TMEM135: variants seen among roughly 807,000 people sequenced by gnomAD.
TMEM135 encodes the protein transmembrane protein 135.
In TMEM135, 30 loss-of-function variants were observed where a neutral mutation model predicts 60.3. That is an observed-to-expected ratio of 0.50 (90% CI 0.37 to 0.68). TMEM135 has a LOEUF of 0.68. Among genes scored for constraint, TMEM135 ranks in the 30% least tolerant of loss-of-function variants. TMEM135 has a pLI of 0.00. For synonymous variants in TMEM135, 190 were observed against 186.7 expected, an observed-to-expected ratio of 1.02 and a Z score of -0.14; for missense variants, 468 against 548.8, an observed-to-expected ratio of 0.85 and a Z score of 1.47.
chr11:87,228,560 G>A (rs1940817239), intron 5 of TMEM135, among the ~76,000 whole-genome samples: 1 of 152,094 alleles, frequency 6.6e-6, no homozygotes, highest in Non-Finnish European at 1.5e-5. Context: ...TGAATACGGG[G>A]GGAGATGAGT....
At position 87,321,243 on chromosome 11, in the gene TMEM135, T is replaced by C. The variant is rs1426974371; in HGVS notation, c.1287T>C (p.Thr429=). ...MNRKVLDVFG[T]GASKHFQDFI... Reference sequence around the variant, plus strand: ...GAAAAGTCCTTGATGTTTTTGGTACTGGTGCATCTAAACACTTTCAGGATT... The same window carrying C: ...GAAAAGTCCTTGATGTTTTTGGTACCGGTGCATCTAAACACTTTCAGGATT... The change falls in exon 15 of 15, where the codon ACT becomes ACC. Residue 429 remains threonine, a synonymous_variant. Coordinates refer to ENST00000305494, the MANE Select transcript of TMEM135 (RefSeq NM_022918.4). 1 of 1,613,694 alleles carries C rather than the reference T, an allele frequency of 6.2e-7. No individual in the cohort carries two copies.
intron 6 of TMEM135, among the ~76,000 whole-genome samples, chr11:87,238,873 G>A (rs553212090): frequency 2.0e-5 from 3 of 152,028 alleles, no homozygotes; most frequent in East Asian, 1.9e-4. Flanking sequence ...TTTCTTTTTC[G>A]TGAAAATTCC....
chr11:87,185,230 G>C (rs117839384), intron 5 of TMEM135, among the ~76,000 whole-genome samples: 1 of 152,068 alleles, frequency 6.6e-6, no homozygotes. Context: ...TATTTAGTCA[G>C]TGTTCACATT....
At chr11:87,306,069 TTTAG>T in intron 9 of TMEM135, 64 bp downstream of exon 9, 4 of 964,828 alleles carry the variant, frequency 4.1e-6, no homozygotes, top group Non-Finnish European at 4.4e-6. Flanking sequence ...TATTTATTTA[TTTAG>T]AAATAATTTA....
intron 5 of TMEM135, among the ~76,000 whole-genome samples, chr11:87,184,549 G>T (rs1939602337): frequency 6.6e-6 from 1 of 152,154 alleles, no homozygotes; most frequent in Non-Finnish European, 1.5e-5. Context: ...GGAGTTTCTA[G>T]TGGCAAATAT....
chr11:87,301,411 G>A (rs1431003294), intron 7 of TMEM135, among the ~76,000 whole-genome samples: 4 of 151,978 alleles, frequency 2.6e-5, no homozygotes, highest in Non-Finnish European at 4.4e-5. Context: ...ACACCACCAT[G>A]CCCAGCTGAT....
chr11:87,283,864 T>C (rs1264445478), intron 6 of TMEM135, among the ~76,000 whole-genome samples: 1 of 151,832 alleles, frequency 6.6e-6, no homozygotes, highest in East Asian at 1.9e-4. Context: ...TCTCAAAAAA[T>C]AAAAAAAGAA....
At chr11:87,240,645 G>A (rs1312512459) in intron 6 of TMEM135, among the ~76,000 whole-genome samples, 2 of 151,812 alleles carry the variant, frequency 1.3e-5, no homozygotes. Context: ...ACATAAAAAA[G>A]AAAAATGCAA....
intron 6 of TMEM135, chr11:87,259,322 G>A (rs139725580): frequency 6.2e-6 from 2 of 324,846 alleles, no homozygotes; most frequent in African/African-American, 4.3e-5. Context: ...CCAAACCACT[G>A]TACTTGCCAT....
At chr11:87,198,118 C>G (rs1940001823) in intron 5 of TMEM135, among the ~76,000 whole-genome samples, 2 of 152,080 alleles carry the variant, frequency 1.3e-5, no homozygotes, top group African/African-American at 4.8e-5. Context: ...TTTAAATATA[C>G]ATAATACTGT....
chr11:87,053,845 C>T, intron 1 of TMEM135, among the ~76,000 whole-genome samples: 1 of 152,132 alleles, frequency 6.6e-6, no homozygotes, highest in East Asian at 1.9e-4. Flanking sequence ...TTTAATTACT[C>T]ACTAATCTTA....
At chr11:87,121,639 C>CTTTTTTTTTTTTT (rs542358265) in intron 4 of TMEM135, 1 of 110,222 alleles carries the variant, frequency 9.1e-6, no homozygotes, top group African/African-American at 3.4e-5. Context: ...TTTGAATGTA[C>CTTTTTTTTTTTTT]TTTTTTTTTT....
chr11:87,042,724 T>C (rs990850423), intron 1 of TMEM135, among the ~76,000 whole-genome samples: 1 of 152,190 alleles, frequency 6.6e-6, no homozygotes, highest in Non-Finnish European at 1.5e-5. Context: ...TCATGTGTGT[T>C]GTACTAAACT....
chr11:87,124,870 A>G (rs1469628245), intron 4 of TMEM135, among the ~76,000 whole-genome samples: 1 of 151,886 alleles, frequency 6.6e-6, no homozygotes, highest in East Asian at 1.9e-4. Context: ...AAGCTTTTCC[A>G]GAGCTGGGAT....
intron 5 of TMEM135, among the ~76,000 whole-genome samples, chr11:87,180,604 T>C (rs1181243806): frequency 1.3e-5 from 2 of 152,168 alleles, no homozygotes; most frequent in Non-Finnish European, 2.9e-5. Flanking sequence ...ATAAAAAGTT[T>C]GATAACTGAA....
chr11:87,045,008 G>A (rs1242177701), intron 1 of TMEM135, among the ~76,000 whole-genome samples: 3 of 151,344 alleles, frequency 2.0e-5, no homozygotes, highest in South Asian at 2.1e-4. Context: ...TTAATGTGAC[G>A]TTTTGAGTTT....
intron 5 of TMEM135, chr11:87,157,834 GAA>G (rs1189202193): frequency 6.4e-6 from 1 of 156,794 alleles, no homozygotes; most frequent in South Asian, 1.9e-4. Context: ...GGGAGAGGGA[GAA>G]AAAAGCTGGA....
intron 4 of TMEM135, among the ~76,000 whole-genome samples, chr11:87,131,126 A>G (rs965642691): frequency 2.6e-4 from 40 of 152,130 alleles, no homozygotes; most frequent in African/African-American, 9.4e-4. Context: ...GAGAGTTCTC[A>G]TATTACTCTG....
chr11:87,288,179 A>G (rs1474426630), intron 6 of TMEM135, among the ~76,000 whole-genome samples: 1 of 152,188 alleles, frequency 6.6e-6, no homozygotes, highest in Non-Finnish European at 1.5e-5. Flanking sequence ...ACAGCATTTT[A>G]TATTTTACTA....
Sources: gnomAD v4.1 joint callset for allele counts (sites outside exome capture counted in the v4.1 genomes callset) on GRCh38, gnomAD v4.1.1 for gene constraint, MANE v1.5 for transcripts, NCBI Gene and HGNC (gene_info 2026-07-23, HGNC 2026-07-21) for gene names.